QKI: variants seen among roughly 807,000 people sequenced by gnomAD.
QKI encodes KH domain-containing RNA-binding protein QKI.
A neutral mutation model predicts 39.0 loss-of-function variants in QKI; 10 were observed. The observed-to-expected ratio is 0.26, with a 90% CI of 0.16 to 0.43. The LOEUF (loss-of-function observed/expected upper bound fraction) is 0.43, where lower values mean the gene tolerates loss of function less well. Ranked by LOEUF, QKI falls within the 20% of genes least tolerant of loss-of-function variation. The probability of loss-of-function intolerance (pLI) is 1.00; values close to 1 mark genes in which losing one functional copy is unlikely to be tolerated. For synonymous variants in QKI, 204 were observed against 155.4 expected (o/e 1.31, Z -2.33); for missense variants, 218 against 428.0 (o/e 0.51, Z 4.33).
chr6:163,546,422 T>C (rs1781879250), intron 4 of QKI, among the ~76,000 whole-genome samples: 1 of 152,034 alleles, frequency 6.6e-6, no homozygotes, highest in South Asian at 2.1e-4. Context: ...TTAATGTGCC[T>C]GTGTTTTAAC....
In QKI at chr6:163,561,922, T is replaced by A. The variant is rs960040671; in HGVS notation, c.547-60T>A. The A allele has an allele frequency of 7.8e-6, 10 of 1,283,710 alleles. No individual in the cohort carries two copies. The African/African-American group carries it at 1.5e-4, about 19-fold the overall frequency. 79.5% of individuals were successfully genotyped at this position (1,283,710 alleles called of 1,614,324 possible). A position where few individuals can be genotyped will look rare whatever the true frequency, so the allele number is the denominator to read the frequency against. ...TTACTTTAAGGCTTGTGTGTAGATA[T>A]AGCTATTATATTTGTGGACAGTCTC... On this transcript the variant is annotated intron_variant, in intron 4 of 7. Transcript: ENST00000361752.
In QKI at chr6:163,576,410, C is replaced by T. The variant is rs1463791986; in HGVS notation, c.*5700C>T. On this transcript the variant is annotated 3_prime_UTR_variant, in exon 8 of 8. Coordinates refer to ENST00000361752, the MANE Select transcript of QKI (RefSeq NM_006775.3). Reference sequence around the variant, plus strand: ...TGATTCCACATTATAATGTTGTTGCCTCTTCTTGGCAAAAGACACCACATT... The same window carrying T: ...TGATTCCACATTATAATGTTGTTGCTTCTTCTTGGCAAAAGACACCACATT... The T allele has an allele frequency of 1.3e-5, 2 of 152,100 alleles. No homozygotes were observed. The highest frequency in any genetic ancestry group is 2.9e-5 in the Non-Finnish European group (2 of 68,022). 9.4% of individuals were successfully genotyped at this position (152,100 alleles called of 1,614,324 possible).
At chr6:163,478,968 T>G in intron 3 of QKI, 72 bp downstream of exon 3, 2 of 1,309,072 alleles carry the variant, frequency 1.5e-6, no homozygotes, top group South Asian at 2.6e-5. Flanking sequence ...ATAATAAAAT[T>G]TCCAGATTTT....
At chr6:163,569,568 A>C (rs1177466534) in intron 7 of QKI, 8 of 1,148,656 alleles carry the variant, frequency 7.0e-6, no homozygotes, top group Non-Finnish European at 8.7e-6. Flanking sequence ...AATGTGACAA[A>C]GGTTGATTAA....
chr6:163,555,041 T>A (rs898264914), intron 4 of QKI, among the ~76,000 whole-genome samples: 1 of 152,228 alleles, frequency 6.6e-6, no homozygotes, highest in African/African-American at 2.4e-5. Context: ...GCATCAAAAT[T>A]CTTCATAAAA....
At chr6:163,481,794 A>G (rs1477993699) in intron 3 of QKI, among the ~76,000 whole-genome samples, 1 of 152,168 alleles carries the variant, frequency 6.6e-6, no homozygotes, top group Non-Finnish European at 1.5e-5. Context: ...AACTATTATG[A>G]ACTTCTTGTC....
Position 163,576,488 on chromosome 6 carries a change from T to C in QKI, c.*5778T>C, listed in dbSNP as rs1165407883. 1 of 152,218 alleles carries C rather than the reference T, an allele frequency of 6.6e-6. No individual in the cohort carries two copies. The highest frequency in any genetic ancestry group is 1.5e-5 in the Non-Finnish European group (1 of 68,040). The allele number at this position is 152,218 out of a possible 1,614,324, so 9.4% of individuals were successfully genotyped here. On this transcript the variant is annotated 3_prime_UTR_variant, in exon 8 of 8. Transcript: ENST00000361752. ...AAGTTAATTTATAACTTAAAAGTGC[T>C]ATTAAGTTTTTATTACCAAATATAT...
chr6:163,448,537 G>T (rs938724540), intron 1 of QKI, among the ~76,000 whole-genome samples: 5 of 151,896 alleles, frequency 3.3e-5, no homozygotes, highest in Non-Finnish European at 5.9e-5. Flanking sequence ...AGACCAGCCT[G>T]GCCGACATGG....
chr6:163,429,487 G>T (rs1311017650), intron 1 of QKI, among the ~76,000 whole-genome samples: 1 of 152,018 alleles, frequency 6.6e-6, no homozygotes, highest in Non-Finnish European at 1.5e-5. Context: ...TGCTGTCGAG[G>T]TATATTATAA....
At chr6:163,450,878 T>G (rs577974789) in intron 1 of QKI, among the ~76,000 whole-genome samples, 21 of 152,318 alleles carry the variant, frequency 1.4e-4, no homozygotes, top group Admixed American at 4.6e-4. Flanking sequence ...GATTATTTCC[T>G]ATTTAAACTG....
At chr6:163,432,871 T>C (rs1239798945) in intron 1 of QKI, among the ~76,000 whole-genome samples, 2 of 152,170 alleles carry the variant, frequency 1.3e-5, no homozygotes, top group African/African-American at 4.8e-5. Context: ...TAGTTAAGAA[T>C]AGACTAAATT....
At chr6:163,420,569 T>G (rs139208265) in intron 1 of QKI, among the ~76,000 whole-genome samples, 1 of 152,154 alleles carries the variant, frequency 6.6e-6, no homozygotes, top group Admixed American at 6.5e-5. Context: ...CAGCTTTTTA[T>G]TTACATGATC....
intron 4 of QKI, among the ~76,000 whole-genome samples, chr6:163,547,626 A>G (rs1205250881): frequency 2.0e-5 from 3 of 152,080 alleles, no homozygotes; most frequent in Admixed American, 6.6e-5. Flanking sequence ...CCGTATCACA[A>G]TTCTTCCCTT....
At chr6:163,555,964 A>G (rs1782571317) in intron 4 of QKI, among the ~76,000 whole-genome samples, 2 of 152,208 alleles carry the variant, frequency 1.3e-5, no homozygotes, top group South Asian at 2.1e-4. Flanking sequence ...GTATAATGTA[A>G]TGGTTAAACA....
intron 3 of QKI, among the ~76,000 whole-genome samples, chr6:163,529,992 A>G (rs1482827201): frequency 6.6e-6 from 1 of 152,202 alleles, no homozygotes; most frequent in Non-Finnish European, 1.5e-5. Context: ...TCTAGAAATC[A>G]GGGGGCAGTA....
intron 1 of QKI, among the ~76,000 whole-genome samples, chr6:163,420,411 G>C (rs979965036): frequency 5.9e-5 from 9 of 151,896 alleles, no homozygotes; most frequent in Admixed American, 4.6e-4. Flanking sequence ...GTTGGTTTTT[G>C]TTTGTTGATA....
intron 3 of QKI, among the ~76,000 whole-genome samples, chr6:163,503,274 G>T (rs1295043108): frequency 6.6e-6 from 1 of 151,240 alleles, no homozygotes; most frequent in African/African-American, 2.4e-5. Context: ...GAGCCACTGC[G>T]CCCAGCTGCT....
At chr6:163,543,937 G>A (rs1442462930) in intron 4 of QKI, among the ~76,000 whole-genome samples, 3 of 151,992 alleles carry the variant, frequency 2.0e-5, no homozygotes, top group Non-Finnish European at 2.9e-5. Context: ...TTTAACAAAC[G>A]TTAACCAGAT....
At chr6:163,448,107 AACAATC>A (rs1198348499) in intron 1 of QKI, among the ~76,000 whole-genome samples, 1 of 152,194 alleles carries the variant, frequency 6.6e-6, no homozygotes, top group Non-Finnish European at 1.5e-5. Flanking sequence ...TGCTGCTGAG[AACAATC>A]AGGAAAATCG....
Sources: gnomAD v4.1 joint callset for allele counts (sites outside exome capture counted in the v4.1 genomes callset) on GRCh38, gnomAD v4.1.1 for gene constraint, MANE v1.5 for transcripts, NCBI Gene and HGNC (gene_info 2026-07-23, HGNC 2026-07-21) for gene names.